Variants in PLEKHH2 observed in about 807,000 individuals in gnomAD.
The protein encoded by PLEKHH2 is pleckstrin homology, MyTH4 and FERM domain containing H2, also known as pleckstrin homology domain-containing family H member 2.
PLEKHH2 carries 129 observed loss-of-function variants against 187.9 expected under a neutral mutation model. The ratio of observed to expected loss-of-function variants is 0.69; its 90% CI spans 0.59 to 0.79. PLEKHH2 has a LOEUF of 0.79. Ranked by LOEUF, PLEKHH2 falls within the 30% of genes least tolerant of loss-of-function variation. The probability of loss-of-function intolerance (pLI) is 0.00; values close to 1 mark genes in which losing one functional copy is unlikely to be tolerated. For missense variants in PLEKHH2, 2,076 were observed against 1,751.2 expected, an observed-to-expected ratio of 1.19 and a Z score of -3.31; for synonymous variants, 686 against 605.6, an observed-to-expected ratio of 1.13 and a Z score of -1.95.
intron 2 of PLEKHH2, chr2:43,675,653 G>A: frequency 6.2e-7 from 1 of 1,613,850 alleles, no homozygotes; most frequent in Non-Finnish European, 8.5e-7. Flanking sequence ...GCATATTTCA[G>A]GCATATTGCC....
At chr2:43,649,610 C>T (rs776789996) in intron 2 of PLEKHH2, among the ~76,000 whole-genome samples, 18 of 152,166 alleles carry the variant, frequency 1.2e-4, no homozygotes, top group Non-Finnish European at 2.4e-4. Flanking sequence ...TTATACATTC[C>T]CTCAGTTACT....
intron 15 of PLEKHH2, among the ~76,000 whole-genome samples, chr2:43,717,388 A>AGG (rs1558552625): frequency 6.6e-6 from 1 of 151,812 alleles, no homozygotes; most frequent in Non-Finnish European, 1.5e-5. Flanking sequence ...ACTGTGCTTC[A>AGG]GACTGGGCAA....
chr2:43,706,468 A>G (rs775187715), intron 10 of PLEKHH2, 52 bp downstream of exon 10: 17 of 1,284,626 alleles, frequency 1.3e-5, no homozygotes, highest in Non-Finnish European at 1.9e-5. Context: ...ATGATGGATC[A>G]AGGAAATTGT....
intron 24 of PLEKHH2, among the ~76,000 whole-genome samples, chr2:43,750,454 C>G (rs1671963747): frequency 6.6e-6 from 1 of 150,604 alleles, no homozygotes; most frequent in Admixed American, 6.6e-5. Context: ...GCACTCCAGT[C>G]TGGGTGACAG....
At chr2:43,692,770 G>A in intron 4 of PLEKHH2, 107 bp downstream of exon 4, 1 of 1,235,570 alleles carries the variant, frequency 8.1e-7, no homozygotes, top group Non-Finnish European at 1.1e-6. Context: ...GAGAAATATT[G>A]CTTATTCGGT....
intron 10 of PLEKHH2, among the ~76,000 whole-genome samples, 177 bp downstream of exon 10, chr2:43,706,593 A>G (rs976746668): frequency 3.3e-5 from 5 of 152,218 alleles, no homozygotes; most frequent in Non-Finnish European, 7.3e-5. Flanking sequence ...AGGTCTGCAG[A>G]AGACACTTAT....
rs902567607 is a variant in PLEKHH2, at chr2:43,700,423, C to G, written c.1465C>G (p.Leu489Val). 3 of 1,614,006 alleles carry G rather than the reference C, an allele frequency of 1.9e-6. No homozygotes were observed. Among genetic ancestry groups the G allele is most frequent in the East Asian group, 2.2e-5 (1 of 44,886 alleles). The change falls in exon 8 of 30, where the codon CTT (leucine) becomes GTT (valine). Residue 489 changes from leucine (L) to valine (V), a missense_variant. Leu to Val is a conservative substitution (Grantham distance 32, BLOSUM62 1). Coordinates refer to ENST00000282406, the MANE Select transcript of PLEKHH2 (RefSeq NM_172069.4). ...ACCACTGAGACCTCAGGAAACTGAT[C>G]TTGATCTAGTTGATGGAGACAGTAC... ...IRPLRPQETDLDLVDGDSTEV... is the reference protein window; with the variant it reads ...IRPLRPQETDVDLVDGDSTEV...
chr2:43,747,102 C>G (rs1362748225), intron 24 of PLEKHH2, among the ~76,000 whole-genome samples: 7 of 142,270 alleles, frequency 4.9e-5, no homozygotes. Flanking sequence ...GTCTCTCTCT[C>G]TCTCTCCCTC....
chr2:43,684,164 A>G (rs550740552), intron 3 of PLEKHH2, among the ~76,000 whole-genome samples: 2 of 151,500 alleles, frequency 1.3e-5, no homozygotes, highest in South Asian at 4.2e-4. Flanking sequence ...ATATGATACT[A>G]TACTCCCCTT....
At chr2:43,738,921 C>T (rs571979533) in intron 20 of PLEKHH2, among the ~76,000 whole-genome samples, 4 of 152,250 alleles carry the variant, frequency 2.6e-5, no homozygotes, top group Non-Finnish European at 4.4e-5. Context: ...GATGGAGTTT[C>T]GCTCTTGTTG....
rs780988749 is a variant in PLEKHH2 at position 43,692,615 on chromosome 2, G to C, written c.288G>C (p.Gln96His). Residue 96 changes from glutamine (Q) to histidine (H), a missense_variant, in exon 4 of 30, where the codon CAG becomes CAC. Transcript: ENST00000282406. ...NKCQDLESLI[Q>H]EKDDVIQNLE... ...GTCAAGATCTGGAGTCGCTAATACA[G>C]GAAAAAGATGACGTCATTCAAAACT... 1 of 1,612,686 alleles carries C rather than the reference G, an allele frequency of 6.2e-7. No individual in the cohort carries two copies. The highest frequency in any genetic ancestry group is 8.5e-7 in the Non-Finnish European group (1 of 1,179,414).
At chr2:43,734,217 A>T (rs1231567499) in intron 19 of PLEKHH2, among the ~76,000 whole-genome samples, 1 of 152,142 alleles carries the variant, frequency 6.6e-6, no homozygotes, top group Admixed American at 6.5e-5. Flanking sequence ...TTATTCTCCC[A>T]TTTCCCACTG....
chr2:43,720,906 G>T (rs535967476), intron 16 of PLEKHH2, among the ~76,000 whole-genome samples, 157 bp downstream of exon 16: 1 of 152,096 alleles, frequency 6.6e-6, no homozygotes, highest in Non-Finnish European at 1.5e-5. Flanking sequence ...TCACACAAAG[G>T]TCTATCACCT....
At chr2:43,659,476 A>G (rs1027076911) in intron 2 of PLEKHH2, among the ~76,000 whole-genome samples, 1 of 149,574 alleles carries the variant, frequency 6.7e-6, no homozygotes, top group Non-Finnish European at 1.5e-5. Flanking sequence ...TATCATTTTT[A>G]TTTTACCAGA....
intron 16 of PLEKHH2, 141 bp from the exon 17 acceptor site, chr2:43,726,124 CAAAAAAA>C (rs3066315): frequency 6.5e-6 from 3 of 460,836 alleles, no homozygotes; most frequent in African/African-American, 2.5e-5. Flanking sequence ...AACCCTGTCT[CAAAAAAA>C]AAAAAAAAAG....
At chr2:43,680,928 C>T (rs1668142544) in intron 3 of PLEKHH2, 1 of 728,256 alleles carries the variant, frequency 1.4e-6, no homozygotes, top group South Asian at 1.9e-5. Flanking sequence ...ATGTCCAGGG[C>T]CACTTTAGTT....
chr2:43,758,347 G>A (rs898135817), intron 26 of PLEKHH2, among the ~76,000 whole-genome samples: 54 of 152,058 alleles, frequency 3.6e-4, no homozygotes, highest in Non-Finnish European at 2.4e-4. Context: ...CCACCTCCCG[G>A]GTTCAAGTGA....
In PLEKHH2 at chr2:43,700,367, G is replaced by C. The variant is rs1269305405; in HGVS notation, c.1409G>C (p.Gly470Ala). The C allele has an allele frequency of 1.9e-6, 3 of 1,613,990 alleles. No individual in the cohort carries two copies. Among genetic ancestry groups the C allele is most frequent in the Non-Finnish European group, 2.5e-6 (3 of 1,180,044 alleles). The change falls in exon 8 of 30, where the codon GGT (glycine) becomes GCT (alanine). Residue 470 changes from glycine to alanine, a missense_variant. By Grantham distance (60) the Gly-to-Ala change is moderately conservative. Coordinates refer to ENST00000282406, the MANE Select transcript of PLEKHH2 (RefSeq NM_172069.4). ...CAGTTAAGCTCTGACAGGATGTTTG[G>C]TACAAATAGAAACGCTATAAGCATG... is the stretch of plus-strand genomic sequence containing the variant. ...QPQLSSDRMF[G>A]TNRNAISMIR...
At chr2:43,667,720 G>A (rs953878517) in intron 2 of PLEKHH2, among the ~76,000 whole-genome samples, 4 of 152,194 alleles carry the variant, frequency 2.6e-5, no homozygotes, top group African/African-American at 9.7e-5. Context: ...CCATTCATAT[G>A]AAATATTCAG....
Sources: allele counts gnomAD v4.1 joint callset (sites outside exome capture counted in the v4.1 genomes callset), GRCh38; gene constraint gnomAD v4.1.1; transcripts MANE v1.5; gene names NCBI Gene and HGNC (gene_info 2026-07-23, HGNC 2026-07-21).